Variants in SCFD1 observed in about 807,000 individuals in gnomAD.
SCFD1 encodes the protein sec1 family domain-containing protein 1.
Under a neutral mutation model 103.2 loss-of-function variants are expected in SCFD1, and 37 were observed. The observed-to-expected ratio is 0.36, with a 90% CI of 0.28 to 0.47. The LOEUF (loss-of-function observed/expected upper bound fraction) is 0.47. Ranked by LOEUF, SCFD1 falls within the 20% of genes least tolerant of loss-of-function variation. SCFD1 has a pLI of 1.00. For synonymous variants in SCFD1, 264 were observed against 245.0 expected, an observed-to-expected ratio of 1.08 and a Z score of -0.73; for missense variants, 639 against 761.2, an observed-to-expected ratio of 0.84 and a Z score of 1.89.
chr14:30,632,305 G>T (rs1884257612), intron 3 of SCFD1, among the ~76,000 whole-genome samples: 1 of 152,110 alleles, frequency 6.6e-6, no homozygotes, highest in Non-Finnish European at 1.5e-5. Flanking sequence ...TTCTTCAGTT[G>T]TATAATGAGC....
intron 7 of SCFD1, among the ~76,000 whole-genome samples, chr14:30,645,699 G>T (rs982227827): frequency 5.9e-5 from 9 of 152,146 alleles, no homozygotes; most frequent in African/African-American, 1.9e-4. Context: ...CTTTACTGAA[G>T]CTGCTTATTA....
chr14:30,657,879 A>G (rs559259432), intron 10 of SCFD1, among the ~76,000 whole-genome samples: 1 of 152,264 alleles, frequency 6.6e-6, no homozygotes, highest in Non-Finnish European at 1.5e-5. Flanking sequence ...ATATATTAGA[A>G]CTTACAAACA....
At chr14:30,731,801 A>C (rs1893492106) in intron 23 of SCFD1, among the ~76,000 whole-genome samples, 1 of 152,194 alleles carries the variant, frequency 6.6e-6, no homozygotes, top group African/African-American at 2.4e-5. Context: ...ATCTGCAAAC[A>C]GGGACAATTT....
At chr14:30,655,235 G>C (rs1446884140) in intron 10 of SCFD1, among the ~76,000 whole-genome samples, 2 of 152,130 alleles carry the variant, frequency 1.3e-5, no homozygotes, top group Admixed American at 1.3e-4. Context: ...ATCTAAAGGA[G>C]GTAAGGTAGT....
intron 6 of SCFD1, among the ~76,000 whole-genome samples, chr14:30,641,617 C>T (rs1043665179): frequency 6.6e-6 from 1 of 152,214 alleles, no homozygotes; most frequent in Non-Finnish European, 1.5e-5. Flanking sequence ...CCTGAATTCA[C>T]ATAATGCAAA....
At chr14:30,648,412 T>G (rs972932163) in intron 7 of SCFD1, among the ~76,000 whole-genome samples, 2 of 152,352 alleles carry the variant, frequency 1.3e-5, no homozygotes, top group Non-Finnish European at 2.9e-5. Context: ...TTGGACTTTT[T>G]TTCTATTTAG....
At chr14:30,678,167 T>C (rs947454589) in intron 14 of SCFD1, among the ~76,000 whole-genome samples, 4 of 152,128 alleles carry the variant, frequency 2.6e-5, no homozygotes, top group African/African-American at 9.7e-5. Flanking sequence ...TAGAAGATTG[T>C]GTCATGTAGA....
chr14:30,672,596 C>T (rs1888656244), intron 11 of SCFD1, among the ~76,000 whole-genome samples: 1 of 152,078 alleles, frequency 6.6e-6, no homozygotes, highest in Admixed American at 6.6e-5. Flanking sequence ...ATGTATTCAC[C>T]TAGAGTTTGT....
chr14:30,734,284 A>G (rs374486712), intron 23 of SCFD1, among the ~76,000 whole-genome samples: 1 of 152,226 alleles, frequency 6.6e-6, no homozygotes, highest in Non-Finnish European at 1.5e-5. Context: ...TTGGGTTCCA[A>G]CATTGTAACT....
rs939241833 is a variant in SCFD1 at position 30,647,039 on chromosome 14, T to C, written c.614-2489T>C. ...GACCTAACTAGTGGTCTACCTATCT[T>C]GTTTATTCTTTCAAAGAAACAACTT... On this transcript the variant is annotated intron_variant, in intron 7 of 24. Coordinates refer to ENST00000458591, the MANE Select transcript of SCFD1 (RefSeq NM_016106.4). Among the ~76,000 whole-genome samples, 6 of 152,276 alleles carry C rather than the reference T, an allele frequency of 3.9e-5. No homozygotes were observed. In the South Asian group the frequency reaches 6.2e-4, roughly 16 times the overall value.
At chr14:30,699,525 G>A (rs574271934) in intron 15 of SCFD1, among the ~76,000 whole-genome samples, 1 of 152,176 alleles carries the variant, frequency 6.6e-6, no homozygotes, top group Non-Finnish European at 1.5e-5. Flanking sequence ...TCAGAGCACT[G>A]CAAGCAAGAC....
chr14:30,720,821 G>C (rs1209293314), intron 21 of SCFD1, among the ~76,000 whole-genome samples: 1 of 152,082 alleles, frequency 6.6e-6, no homozygotes, highest in African/African-American at 2.4e-5. Flanking sequence ...TGTCTATGGA[G>C]GTTCCTGGAA....
intron 1 of SCFD1, among the ~76,000 whole-genome samples, chr14:30,625,803 T>G (rs1341425857): frequency 3.3e-5 from 5 of 151,966 alleles, no homozygotes; most frequent in African/African-American, 1.2e-4. Context: ...GGCTCAAAGT[T>G]GGAGAAAATC....
chr14:30,674,513 T>G (rs1000775036), intron 13 of SCFD1, among the ~76,000 whole-genome samples: 1 of 151,898 alleles, frequency 6.6e-6, no homozygotes, highest in African/African-American at 2.4e-5. Context: ...CTGAGAGTGG[T>G]GGTGCACGCC....
intron 14 of SCFD1, among the ~76,000 whole-genome samples, chr14:30,691,543 TTGGA>T (rs1890300485): frequency 6.6e-6 from 1 of 152,338 alleles, no homozygotes; most frequent in South Asian, 2.1e-4. Context: ...CCTTTTCCTC[TTGGA>T]TGGTGCTCCC....
chr14:30,724,072 TAAAAAAAAAAA>T (rs59654790), intron 23 of SCFD1, among the ~76,000 whole-genome samples: 5 of 91,350 alleles, frequency 5.5e-5, no homozygotes, highest in African/African-American at 1.0e-4. Flanking sequence ...ACCAGTATCT[TAAAAAAAAAAA>T]AAAAAAAAAA....
intron 17 of SCFD1, among the ~76,000 whole-genome samples, chr14:30,703,632 G>T (rs1214306692): frequency 6.8e-6 from 1 of 147,874 alleles, no homozygotes; most frequent in African/African-American, 2.5e-5. Flanking sequence ...TTAAAAAAAA[G>T]CATAACAAGA....
chr14:30,626,729 C>G (rs756809036), intron 1 of SCFD1, among the ~76,000 whole-genome samples: 4 of 152,144 alleles, frequency 2.6e-5, no homozygotes, highest in Non-Finnish European at 5.9e-5. Context: ...CATTTCCTGG[C>G]TCCGGGTCTC....
At chr14:30,659,345 T>G (rs1419589572) in intron 10 of SCFD1, among the ~76,000 whole-genome samples, 1 of 152,154 alleles carries the variant, frequency 6.6e-6, no homozygotes, top group African/African-American at 2.4e-5. Context: ...ATTAGATGTT[T>G]TCTTTTCATA....
Sources: allele counts gnomAD v4.1 joint callset (sites outside exome capture counted in the v4.1 genomes callset), GRCh38; gene constraint gnomAD v4.1.1; transcripts MANE v1.5; gene names NCBI Gene and HGNC (gene_info 2026-07-23, HGNC 2026-07-21).